Variants in TSR1 observed in about 807,000 individuals in gnomAD.
TSR1 encodes TSR1 ribosome maturation factor, also known as pre-rRNA-processing protein TSR1 homolog.
Under a neutral mutation model 90.9 loss-of-function variants are expected in TSR1, and 81 were observed. The observed-to-expected ratio is 0.89, with a 90% CI of 0.74 to 1.07. The LOEUF (loss-of-function observed/expected upper bound fraction) is 1.07. TSR1 is among the 50% of genes least tolerant of loss of function. TSR1 has a pLI of 0.00. For synonymous variants in TSR1, 362 were observed against 348.8 expected (o/e 1.04, Z -0.42); for missense variants, 989 against 987.3 (o/e 1.00, Z -0.02).
Position 2,336,330 on chromosome 17 carries a change from C to G in TSR1, c.97+1G>C. ...TTATTCCTTCTACGTTATCTCCTTA[C>G]CCTTGCCGTCCCGCTGTGCAGATCC... is the stretch of plus-strand genomic sequence containing the variant. On this transcript the variant is annotated splice_donor_variant, in intron 1 of 14. Transcript: ENST00000301364. LOFTEE classifies it high-confidence loss of function. 1 of 1,614,180 alleles carries G rather than the reference C, an allele frequency of 6.2e-7. No individual in the cohort carries two copies. Among genetic ancestry groups the G allele is most frequent in the Middle Eastern group, 1.7e-4 (1 of 5,994 alleles).
intron 2 of TSR1, 53 bp from the exon 3 acceptor site, chr17:2,335,783 A>C: frequency 6.4e-7 from 1 of 1,563,392 alleles, no homozygotes; most frequent in East Asian, 2.3e-5. Context: ...ACTTCACTCC[A>C]GCATTGCATT....
Position 2,324,204 on chromosome 17 carries a change from T to A in TSR1, c.2407A>T (p.Met803Leu). The part of the protein sequence containing the change: ...EISSTVPQGG[M>L]E Reference sequence around the variant, plus strand: ...GAATCTCTTTGAATCCATTACTCCATGCCCCCTTGAGGCACTGTTGAAGAA... The same window carrying A: ...GAATCTCTTTGAATCCATTACTCCAAGCCCCCTTGAGGCACTGTTGAAGAA... The change falls in exon 15 of 15, where the codon ATG (methionine) becomes TTG (leucine). Residue 803 changes from methionine to leucine, a missense_variant. Coordinates refer to ENST00000301364, the MANE Select transcript of TSR1 (RefSeq NM_018128.5). 1 of 1,521,138 alleles carries A rather than the reference T, an allele frequency of 6.6e-7. No homozygotes were observed. The allele number at this position is 1,521,138 out of a possible 1,614,324, so 94.2% of individuals were successfully genotyped here. A position where few individuals can be genotyped will look rare whatever the true frequency, so the allele number is the denominator to read the frequency against.
In TSR1 at chr17:2,323,120, A is replaced by G. The variant is rs748930855; in HGVS notation, c.*1076T>C. On this transcript the variant is annotated 3_prime_UTR_variant, in exon 15 of 15. Coordinates refer to ENST00000301364, the MANE Select transcript of TSR1 (RefSeq NM_018128.5). ...TGTGGTTTGTTGTTAAGATGTCTTA[A>G]TATTCCTCTTCCCAGGCTCTGAAAC... The G allele has an allele frequency of 6.2e-7, 1 of 1,613,226 alleles. No individual in the cohort carries two copies. The highest frequency in any genetic ancestry group is 2.2e-5 in the East Asian group (1 of 44,886).
At chr17:2,332,711 C>G (rs1008971777) in intron 7 of TSR1, among the ~76,000 whole-genome samples, 2 of 152,066 alleles carry the variant, frequency 1.3e-5, no homozygotes, top group African/African-American at 4.8e-5. Context: ...GTGGTGGGCG[C>G]CTGTAGTCCC....
Position 2,323,771 on chromosome 17 carries a change from C to T in TSR1, c.*425G>A, listed in dbSNP as rs2075555341. Reference sequence around the variant, plus strand: ...AAACTGTTTCCCCAGAAGTAAAGAACATTTGTATTGTGCTCAGTGGTGGAA... The same window carrying T: ...AAACTGTTTCCCCAGAAGTAAAGAATATTTGTATTGTGCTCAGTGGTGGAA... On this transcript the variant is annotated 3_prime_UTR_variant, in exon 15 of 15. Coordinates refer to ENST00000301364, the MANE Select transcript of TSR1 (RefSeq NM_018128.5). 3 of 1,614,054 alleles carry T rather than the reference C, an allele frequency of 1.9e-6. No homozygotes were observed. Among genetic ancestry groups the T allele is most frequent in the South Asian group, 2.2e-5 (2 of 91,088 alleles).
At chr17:2,331,228 C>A in intron 8 of TSR1, 119 bp from the exon 9 acceptor site, 1 of 805,882 alleles carries the variant, frequency 1.2e-6, no homozygotes, top group Non-Finnish European at 1.8e-6. Context: ...ATCCTCTCTC[C>A]AAACAACCCA....
rs775454217 is a variant in TSR1, at chr17:2,324,272, T to C, written c.2339A>G (p.Asp780Gly). 1.3e-6 allele frequency: 2 copies of C among 1,554,078 alleles called. No individual in the cohort carries two copies. The highest frequency in any genetic ancestry group is 8.7e-7 in the Non-Finnish European group (1 of 1,155,622). Residue 780 changes from aspartate to glycine, a missense_variant, in exon 15 of 15, where the codon GAT becomes GGT. Coordinates refer to ENST00000301364, the MANE Select transcript of TSR1 (RefSeq NM_018128.5). ...GGGTACTGGTTCTGGTACATATGGA[T>C]CATAAGTCCATTTGGGGAAGACTCG... Reference protein sequence around the residue: ...YKRVFPKWTYDPYVPEPVPWL... With the variant: ...YKRVFPKWTYGPYVPEPVPWL...
chr17:2,332,213 A>C lies in TSR1; in HGVS notation c.1452T>G (p.Phe484Leu). 6.2e-7 allele frequency: 1 copy of C among 1,613,794 alleles called. No homozygotes were observed. Among genetic ancestry groups the C allele is most frequent in the Non-Finnish European group, 8.5e-7 (1 of 1,179,954 alleles). Residue 484 changes from phenylalanine (F) to leucine (L), a missense_variant, in exon 8 of 15, where the codon TTT (phenylalanine) becomes TTG (leucine). By Grantham distance (22) the Phe-to-Leu change is conservative. Transcript: ENST00000301364. ...CACGGGGCGTGTCCACTTCATCTGGAAACATCTCTTCCAGTCTTTCTTGTT... is the reference window on the plus strand; with the variant it reads ...CACGGGGCGTGTCCACTTCATCTGGCAACATCTCTTCCAGTCTTTCTTGTT... ...KYKQERLEEM[F>L]PDEVDTPRDV...
chr17:2,323,781 G>A lies in TSR1; in HGVS notation c.*415C>T. ...CCCAGAAGTAAAGAACATTTGTATT[G>A]TGCTCAGTGGTGGAAATGTAGACTT... On this transcript the variant is annotated 3_prime_UTR_variant, in exon 15 of 15. Transcript: ENST00000301364. 2 of 1,614,166 alleles carry A rather than the reference G, an allele frequency of 1.2e-6. No individual in the cohort carries two copies.
In TSR1 at chr17:2,323,581, T is replaced by G. The variant is rs2075552892; in HGVS notation, c.*615A>C. 6.8e-7 allele frequency: 1 copy of G among 1,478,212 alleles called. No individual in the cohort carries two copies. Among genetic ancestry groups the G allele is most frequent in the Non-Finnish European group, 9.4e-7 (1 of 1,062,120 alleles). 91.6% of individuals were successfully genotyped at this position (1,478,212 alleles called of 1,614,324 possible). ...TAAGAAAATTCAAACTGGACACGTA[T>G]TCTCATCTGAACTTTATAGGTAAAC... On this transcript the variant is annotated 3_prime_UTR_variant, in exon 15 of 15. Coordinates refer to ENST00000301364, the MANE Select transcript of TSR1 (RefSeq NM_018128.5).
chr17:2,336,174 G>C, intron 1 of TSR1, 34 bp from the exon 2 acceptor site: 5 of 1,603,696 alleles, frequency 3.1e-6, no homozygotes, highest in Non-Finnish European at 4.3e-6. Flanking sequence ...TGGTGTGATC[G>C]GCCCCACAAG....
chr17:2,330,679 G>T (rs1597277128), intron 9 of TSR1, 54 bp from the exon 10 acceptor site: 1 of 1,548,824 alleles, frequency 6.5e-7, no homozygotes, highest in Non-Finnish European at 8.9e-7. Flanking sequence ...AGTCCCAATA[G>T]CGAGGAAGCT....
chr17:2,326,734 C>G (rs2075578058), intron 11 of TSR1, among the ~76,000 whole-genome samples: 1 of 152,182 alleles, frequency 6.6e-6, no homozygotes, highest in Non-Finnish European at 1.5e-5. Context: ...CCCACTGGCT[C>G]AGGCAATCCC....
intron 11 of TSR1, among the ~76,000 whole-genome samples, chr17:2,328,289 G>C (rs1048618791): frequency 2.7e-5 from 4 of 149,574 alleles, no homozygotes; most frequent in African/African-American, 9.8e-5. Context: ...GCTCATGTCT[G>C]TAATCCCAGC....
chr17:2,330,203 G>T, intron 10 of TSR1: 1 of 501,866 alleles, frequency 2.0e-6, no homozygotes, highest in South Asian at 1.5e-5. Flanking sequence ...TTACAGGCGT[G>T]AGCCGCCGCG....
intron 14 of TSR1, 43 bp downstream of exon 14, chr17:2,324,461 C>G: frequency 6.2e-7 from 1 of 1,613,884 alleles, no homozygotes; most frequent in South Asian, 1.1e-5. Flanking sequence ...TTTAGCAACA[C>G]TGCAGAAATG....
In TSR1 at chr17:2,324,296, C is replaced by T. The variant is rs759288888; in HGVS notation, c.2315G>A (p.Arg772Gln). ...ATCATAAGTCCATTTGGGGAAGACTCGTTTATACAGGTTCATCAGTACTGT... is the reference window on the plus strand; with the variant it reads ...ATCATAAGTCCATTTGGGGAAGACTTGTTTATACAGGTTCATCAGTACTGT... ...QDTVLMNLYK[R>Q]VFPKWTYDPY... is the part of the protein sequence containing the mutation. Residue 772 changes from arginine to glutamine, a missense_variant, in exon 15 of 15, where the codon CGA becomes CAA. Physicochemically the swap from Arg to Gln is conservative, Grantham distance 43. Coordinates refer to ENST00000301364, the MANE Select transcript of TSR1 (RefSeq NM_018128.5). 1.7e-5 allele frequency: 27 copies of T among 1,560,466 alleles called. No individual in the cohort carries two copies. In the East Asian group the frequency reaches 4.7e-4, roughly 27 times the overall value.
intron 8 of TSR1, 103 bp from the exon 9 acceptor site, chr17:2,331,212 C>T: frequency 1.1e-6 from 1 of 950,822 alleles, no homozygotes; most frequent in Admixed American, 3.1e-5. Context: ...GAAAAGAACT[C>T]CAATCATCCT....
Position 2,322,946 on chromosome 17 carries a change from G to C in TSR1, c.*1250C>G, listed in dbSNP as rs2075545347. The C allele has an allele frequency of 3.5e-6, 2 of 574,036 alleles. No individual in the cohort carries two copies. The highest frequency in any genetic ancestry group is 6.2e-6 in the Non-Finnish European group (2 of 322,694). 35.6% of individuals were successfully genotyped at this position (574,036 alleles called of 1,614,324 possible). On this transcript the variant is annotated 3_prime_UTR_variant, in exon 15 of 15. Coordinates refer to ENST00000301364, the MANE Select transcript of TSR1 (RefSeq NM_018128.5). ...CGCCTGGCTGATTTTCCTATTTTTA[G>C]TTGACACTGCATTTCACCAGGTTGG...
Sources: allele counts gnomAD v4.1 joint callset (sites outside exome capture counted in the v4.1 genomes callset), GRCh38; gene constraint gnomAD v4.1.1; transcripts MANE v1.5; gene names NCBI Gene and HGNC (gene_info 2026-07-23, HGNC 2026-07-21).